CCDC121: variants seen among roughly 807,000 people sequenced by gnomAD.
CCDC121 encodes coiled-coil domain containing 121.
For synonymous variants in CCDC121, 108 were observed against 120.0 expected (o/e 0.90, Z 0.65); for missense variants, 238 against 304.1 (o/e 0.78, Z 1.62).
At position 27,627,826 on chromosome 2, in the gene CCDC121, T is replaced by G; in HGVS notation, c.-27A>C. ...TCCGCCACTATCTTTTCTTTAAGCC[T>G]TGTCTCTACCTTTGTTAGCTTCTCT... On this transcript the variant is annotated 5_prime_UTR_variant, in exon 2 of 2. Transcript: ENST00000324364. 1 of 1,614,216 alleles carries G rather than the reference T, an allele frequency of 6.2e-7. No homozygotes were observed. The highest frequency in any genetic ancestry group is 2.2e-5 in the East Asian group (1 of 44,884).
chr2:27,628,725 C>T, intron 1 of CCDC121: 4 of 1,550,984 alleles, frequency 2.6e-6, no homozygotes, highest in Non-Finnish European at 3.5e-6. Context: ...GCATGCTCCT[C>T]GTTTTCTTGC....
chr2:27,628,909 C>G, intron 1 of CCDC121, 41 bp downstream of exon 1: 1 of 1,482,210 alleles, frequency 6.7e-7, no homozygotes, highest in Non-Finnish European at 9.0e-7. Flanking sequence ...CAGCCCTGCC[C>G]GACGCTAAGA....
intron 1 of CCDC121, chr2:27,628,153 A>C (rs1355563826): frequency 4.8e-6 from 3 of 622,452 alleles, no homozygotes; most frequent in Non-Finnish European, 2.8e-6. Context: ...AGGAGAAAAC[A>C]GGTTCAGAGA....
At position 27,628,950 on chromosome 2, in the gene CCDC121, C is replaced by A. The variant is rs1433997228; in HGVS notation, c.-119G>T. 2.6e-5 allele frequency: 41 copies of A among 1,554,046 alleles called. No individual in the cohort carries two copies. The highest frequency in any genetic ancestry group is 3.4e-5 in the Non-Finnish European group (39 of 1,150,300). On this transcript the variant is annotated splice_region_variant and 5_prime_UTR_variant, in exon 1 of 2. Coordinates refer to ENST00000324364, the MANE Select transcript of CCDC121 (RefSeq NM_024584.5). ...CCCTGGCAACCGCCGCGCCCCTCACCCGCTCCTTTCTGACGCTGTGGTGGT... is the reference window on the plus strand; with the variant it reads ...CCCTGGCAACCGCCGCGCCCCTCACACGCTCCTTTCTGACGCTGTGGTGGT...
intron 1 of CCDC121, chr2:27,628,313 GCT>G (rs1291523715): frequency 1.5e-6 from 2 of 1,320,990 alleles, no homozygotes; most frequent in Admixed American, 2.8e-5. Flanking sequence ...AATTTTCTAG[GCT>G]CTTTCATCAT....
rs1013555827 is a variant in CCDC121 at position 27,625,915 on chromosome 2, C to G, written c.*1048G>C. On this transcript the variant is annotated 3_prime_UTR_variant, in exon 2 of 2. Coordinates refer to ENST00000324364, the MANE Select transcript of CCDC121 (RefSeq NM_024584.5). The stretch of plus-strand genomic sequence containing the variant: ...AAATATAAGATTATATTCCCCTATA[C>G]TAGGATTCAGCATTCAAATAAATCA... 1.3e-5 allele frequency: 2 copies of G among 152,186 alleles called. No individual in the cohort carries two copies. The highest frequency in any genetic ancestry group is 4.8e-5 in the African/African-American group (2 of 41,418). 9.4% of individuals were successfully genotyped at this position (152,186 alleles called of 1,614,324 possible).
chr2:27,627,743 C>T lies in CCDC121; in HGVS notation c.57G>A (p.Leu19=), dbSNP rs754114878. The T allele has an allele frequency of 6.2e-7, 1 of 1,613,974 alleles. No homozygotes were observed. Among genetic ancestry groups the T allele is most frequent in the South Asian group, 1.1e-5 (1 of 91,052 alleles). The change falls in exon 2 of 2, where the codon CTG becomes CTA. Residue 19 remains leucine, a synonymous_variant. Transcript: ENST00000324364. Reference sequence around the variant, plus strand: ...CTCGGTGTAGCTCCCTGGATTCCTCCAGTAGCTGTTTCCGCTGGGTTTGAG... The same window carrying T: ...CTCGGTGTAGCTCCCTGGATTCCTCTAGTAGCTGTTTCCGCTGGGTTTGAG... ...KQAQTQRKQL[L]EESRELHREK... is the part of the protein sequence containing the mutation.
intron 1 of CCDC121, chr2:27,628,378 T>G: frequency 6.5e-7 from 1 of 1,549,000 alleles, no homozygotes; most frequent in East Asian, 2.4e-5. Flanking sequence ...GAAGCTCCCC[T>G]CCAGTACCTA....
chr2:27,628,287 G>T, intron 1 of CCDC121: 3 of 1,061,598 alleles, frequency 2.8e-6, no homozygotes, highest in Non-Finnish European at 4.0e-6. Context: ...CAGACTGGGT[G>T]GTCAGGAGTA....
At chr2:27,628,665 C>T in intron 1 of CCDC121, 1 of 1,551,584 alleles carries the variant, frequency 6.4e-7, no homozygotes, top group Non-Finnish European at 8.7e-7. Flanking sequence ...CCCGAGCAGC[C>T]GGTCCTCCAG....
chr2:27,628,945 C>G lies in CCDC121; in HGVS notation c.-119+5G>C. ...AGATGCCCTGGCAACCGCCGCGCCC[C>G]TCACCCGCTCCTTTCTGACGCTGTG... On this transcript the variant is annotated splice_donor_5th_base_variant and intron_variant, in intron 1 of 1. Transcript: ENST00000324364. The G allele has an allele frequency of 6.5e-7, 1 of 1,542,580 alleles. No homozygotes were observed. Among genetic ancestry groups the G allele is most frequent in the Non-Finnish European group, 8.7e-7 (1 of 1,145,038 alleles).
In CCDC121 at chr2:27,627,301, T is replaced by C. The variant is rs1558482470; in HGVS notation, c.499A>G (p.Lys167Glu). The part of the protein sequence containing the change: ...LSEPDRRLLG[K>E]RKRRELNMKA... Reference sequence around the variant, plus strand: ...ATATTAAGCTCTCTTCTTTTTCTCTTTCCCAGTAGCCTCCTGTCTGGCTCG... The same window carrying C: ...ATATTAAGCTCTCTTCTTTTTCTCTCTCCCAGTAGCCTCCTGTCTGGCTCG... The change falls in exon 2 of 2, where the codon AAG becomes GAG. Residue 167 changes from lysine (K) to glutamate (E), a missense_variant. Lys to Glu is a moderately conservative substitution (Grantham distance 56). Transcript: ENST00000324364. The C allele has an allele frequency of 8.1e-6, 13 of 1,613,896 alleles. No homozygotes were observed. The highest frequency in any genetic ancestry group is 3.3e-5 in the Admixed American group (2 of 59,998).
At position 27,627,540 on chromosome 2, in the gene CCDC121, T is replaced by G; in HGVS notation, c.260A>C (p.Lys87Thr). 3 of 1,614,190 alleles carry G rather than the reference T, an allele frequency of 1.9e-6. No individual in the cohort carries two copies. Among genetic ancestry groups the G allele is most frequent in the Non-Finnish European group, 2.5e-6 (3 of 1,180,034 alleles). ...SRYAEQISVL[K>T]TALLQKENIQ... Reference sequence around the variant, plus strand: ...ATTTTCCTTTTGCAAGAGCGCTGTTTTAAGCACTGAAATTTGTTCTGCATA... The same window carrying G: ...ATTTTCCTTTTGCAAGAGCGCTGTTGTAAGCACTGAAATTTGTTCTGCATA... The change falls in exon 2 of 2, where the codon AAA becomes ACA. Residue 87 changes from lysine to threonine, a missense_variant. Physicochemically the swap from Lys to Thr is moderately conservative, Grantham distance 78 (BLOSUM62 -1). Transcript: ENST00000324364.
chr2:27,626,047 C>T lies in CCDC121; in HGVS notation c.*916G>A, dbSNP rs3946319. ...ATACTAAATGGGAATAAACATATGG[C>T]ACACATTAATTACAAAGGATACTTC... On this transcript the variant is annotated 3_prime_UTR_variant, in exon 2 of 2. Coordinates refer to ENST00000324364, the MANE Select transcript of CCDC121 (RefSeq NM_024584.5). 6.6e-6 allele frequency: 1 copy of T among 152,190 alleles called. No homozygotes were observed. Among genetic ancestry groups the T allele is most frequent in the South Asian group, 2.1e-4 (1 of 4,818 alleles). The allele number at this position is 152,190 out of a possible 1,614,324, so 9.4% of individuals were successfully genotyped here.
At chr2:27,628,152 C>G in intron 1 of CCDC121, 1 of 623,422 alleles carries the variant, frequency 1.6e-6, no homozygotes, top group Non-Finnish European at 2.8e-6. Context: ...AAGGAGAAAA[C>G]AGGTTCAGAG....
Position 27,627,020 on chromosome 2 carries a change from A to G in CCDC121, c.780T>C (p.Val260=). The stretch of plus-strand genomic sequence containing the variant: ...GGGGAAGACTGGGTGTGGTCTTTGG[A>G]ACATCCTGTCTATTTAGGCACTGAT... ...SHNQCLNRQD[V]PKTTPSLPQG... The change falls in exon 2 of 2, where the codon GTT becomes GTC. Residue 260 remains valine, a synonymous_variant. Coordinates refer to ENST00000324364, the MANE Select transcript of CCDC121 (RefSeq NM_024584.5). 6.2e-7 allele frequency: 1 copy of G among 1,613,998 alleles called. No homozygotes were observed. Among genetic ancestry groups the G allele is most frequent in the Non-Finnish European group, 8.5e-7 (1 of 1,179,948 alleles).
chr2:27,627,970 A>C, intron 1 of CCDC121, 53 bp from the exon 2 acceptor site: 2 of 1,236,946 alleles, frequency 1.6e-6, no homozygotes, highest in Non-Finnish European at 2.4e-6. Flanking sequence ...TTTAGGAAGT[A>C]AGTGCACAAC....
In CCDC121 at chr2:27,627,569, G is replaced by T; in HGVS notation, c.231C>A (p.Ser77=). 1 of 1,614,126 alleles carries T rather than the reference G, an allele frequency of 6.2e-7. No homozygotes were observed. The highest frequency in any genetic ancestry group is 8.5e-7 in the Non-Finnish European group (1 of 1,180,016). The stretch of plus-strand genomic sequence containing the variant: ...GCACTGAAATTTGTTCTGCATATCT[G>T]GAGGCTGATTCTTGTCTTCTTCGTT... ...EIERRRQESA[S]RYAEQISVLK... Residue 77 remains serine, a synonymous_variant, in exon 2 of 2, where the codon TCC becomes TCA. Transcript: ENST00000324364.
chr2:27,628,952 G>T lies in CCDC121; in HGVS notation c.-121C>A. 2.6e-6 allele frequency: 4 copies of T among 1,556,790 alleles called. No individual in the cohort carries two copies. The highest frequency in any genetic ancestry group is 1.2e-5 in the South Asian group (1 of 82,752). On this transcript the variant is annotated splice_region_variant and 5_prime_UTR_variant, in exon 1 of 2. Transcript: ENST00000324364. The stretch of plus-strand genomic sequence containing the variant: ...CTGGCAACCGCCGCGCCCCTCACCC[G>T]CTCCTTTCTGACGCTGTGGTGGTTT...
Sources: gnomAD v4.1 joint callset for allele counts on GRCh38, gnomAD v4.1.1 for gene constraint, MANE v1.5 for transcripts, NCBI Gene and HGNC (gene_info 2026-07-23, HGNC 2026-07-21) for gene names.